RASGRF2: variants seen among roughly 807,000 people sequenced by gnomAD.
RASGRF2 encodes ras-specific guanine nucleotide-releasing factor 2.
A neutral mutation model predicts 151.0 loss-of-function variants in RASGRF2; 76 were observed. The ratio of observed to expected loss-of-function variants is 0.50; its 90% confidence interval spans 0.42 to 0.61. The LOEUF (loss-of-function observed/expected upper bound fraction) is 0.61. Among genes scored for constraint, RASGRF2 ranks in the 20% least tolerant of loss-of-function variants. The pLI is 0.00. For missense variants in RASGRF2, 1,148 were observed against 1,564.6 expected (o/e 0.73, Z 4.49); for synonymous variants, 504 against 566.5 (o/e 0.89, Z 1.57).
intron 17 of RASGRF2, among the ~76,000 whole-genome samples, chr5:81,146,430 G>A (rs1341835685): frequency 7.0e-6 from 1 of 141,920 alleles, no homozygotes; most frequent in Non-Finnish European, 1.6e-5. Flanking sequence ...CCCAGTTTGA[G>A]GTCCCTTACA....
chr5:80,975,618 C>T (rs147518266), intron 1 of RASGRF2, among the ~76,000 whole-genome samples: 2,000 of 151,990 alleles, frequency 0.013, 58 homozygotes, highest in African/African-American at 0.046. Flanking sequence ...TACATTTGAA[C>T]AAAAGAAAAG....
At chr5:81,186,561 G>C (rs1039591638) in intron 18 of RASGRF2, among the ~76,000 whole-genome samples, 3 of 151,904 alleles carry the variant, frequency 2.0e-5, no homozygotes, top group South Asian at 2.1e-4. Flanking sequence ...TATAAACACA[G>C]ACACACACAC....
intron 13 of RASGRF2, among the ~76,000 whole-genome samples, chr5:81,111,952 G>T (rs1339385967): frequency 6.6e-6 from 1 of 152,124 alleles, no homozygotes; most frequent in African/African-American, 2.4e-5. Context: ...GCACACTTTT[G>T]ATATTTTGCT....
intron 25 of RASGRF2, 66 bp from the exon 26 acceptor site, chr5:81,219,644 G>A: frequency 7.4e-7 from 1 of 1,345,744 alleles, no homozygotes; most frequent in Non-Finnish European, 1.1e-6. Flanking sequence ...AGAATGTGCT[G>A]CAATGCAGGA....
chr5:80,964,207 A>G (rs1351918711), intron 1 of RASGRF2, among the ~76,000 whole-genome samples: 1 of 152,160 alleles, frequency 6.6e-6, no homozygotes, highest in Non-Finnish European at 1.5e-5. Context: ...TGGGATAGCA[A>G]TGGTGATATA....
intron 17 of RASGRF2, among the ~76,000 whole-genome samples, chr5:81,150,567 C>A (rs1171595104): frequency 6.6e-6 from 1 of 152,146 alleles, no homozygotes; most frequent in African/African-American, 2.4e-5. Context: ...AGATGCATCC[C>A]CCCATCATCC....
At chr5:81,110,886 A>C (rs190900084) in intron 13 of RASGRF2, among the ~76,000 whole-genome samples, 122 of 152,324 alleles carry the variant, frequency 8.0e-4, no homozygotes, top group African/African-American at 2.5e-3. Context: ...CAAAAGATGC[A>C]CTTGGGCATT....
chr5:81,123,882 T>C, intron 16 of RASGRF2, 115 bp downstream of exon 16: 2 of 1,326,542 alleles, frequency 1.5e-6, no homozygotes, highest in Non-Finnish European at 2.0e-6. Context: ...TCTCACTTAT[T>C]GAAAATTAAT....
chr5:81,134,996 C>A (rs1753718911), intron 17 of RASGRF2, among the ~76,000 whole-genome samples: 1 of 152,138 alleles, frequency 6.6e-6, no homozygotes, highest in Non-Finnish European at 1.5e-5. Context: ...ACGTACCATA[C>A]AATTAACCTG....
chr5:81,062,016 A>AC (rs570149018), intron 2 of RASGRF2, among the ~76,000 whole-genome samples: 16,375 of 126,222 alleles, frequency 0.13, 2,201 homozygotes, highest in East Asian at 0.34. Context: ...AAAAAAAAAA[A>AC]AAAAAAAACT....
intron 18 of RASGRF2, among the ~76,000 whole-genome samples, chr5:81,195,572 AC>A (rs1393033393): frequency 7.3e-5 from 9 of 122,648 alleles, no homozygotes; most frequent in Middle Eastern, 5.0e-3. Context: ...TTTTTTTGTG[AC>A]CTTTTTTTTT....
chr5:81,191,066 A>G (rs1156233809), intron 18 of RASGRF2, among the ~76,000 whole-genome samples: 1 of 152,228 alleles, frequency 6.6e-6, no homozygotes, highest in East Asian at 1.9e-4. Flanking sequence ...TGCGGCATGC[A>G]ACCCTCAGCA....
intron 19 of RASGRF2, among the ~76,000 whole-genome samples, chr5:81,205,136 G>A (rs887600003): frequency 1.3e-5 from 2 of 152,164 alleles, no homozygotes; most frequent in African/African-American, 4.8e-5. Context: ...TGCCCTTTAA[G>A]ATAAAATGAC....
chr5:81,105,542 G>T (rs1752823526), intron 12 of RASGRF2, among the ~76,000 whole-genome samples: 1 of 152,152 alleles, frequency 6.6e-6, no homozygotes, highest in African/African-American at 2.4e-5. Context: ...TAAGGCTGTT[G>T]TCTCAGTAAC....
intron 1 of RASGRF2, among the ~76,000 whole-genome samples, chr5:80,993,265 G>A (rs953645487): frequency 3.3e-5 from 5 of 152,162 alleles, no homozygotes; most frequent in South Asian, 2.1e-4. Context: ...ACATTCTTCC[G>A]TGAATATTAT....
At chr5:81,049,225 TCC>T (rs1750932994) in intron 2 of RASGRF2, among the ~76,000 whole-genome samples, 1 of 144,646 alleles carries the variant, frequency 6.9e-6, no homozygotes, top group African/African-American at 2.5e-5. Flanking sequence ...TTCCACCCCC[TCC>T]CCCTTTATTC....
intron 22 of RASGRF2, among the ~76,000 whole-genome samples, chr5:81,210,443 A>G (rs781765818): frequency 1.3e-5 from 2 of 152,212 alleles, no homozygotes; most frequent in South Asian, 4.1e-4. Flanking sequence ...TTTACAGACA[A>G]TAGTGGCTTA....
chr5:81,067,780 T>A (rs1359579618), intron 2 of RASGRF2, among the ~76,000 whole-genome samples: 2 of 152,262 alleles, frequency 1.3e-5, no homozygotes, highest in East Asian at 1.9e-4. Context: ...TTCCCACTTC[T>A]ATGGTAAGAT....
At chr5:81,212,622 A>T in intron 23 of RASGRF2, 59 bp downstream of exon 23, 2 of 1,432,162 alleles carry the variant, frequency 1.4e-6, no homozygotes, top group African/African-American at 2.9e-5. Flanking sequence ...GGGAGATGGG[A>T]GCCAAGTTAA....
Sources: gnomAD v4.1 joint callset for allele counts (sites outside exome capture counted in the v4.1 genomes callset) on GRCh38, gnomAD v4.1.1 for gene constraint, MANE v1.5 for transcripts, NCBI Gene and HGNC (gene_info 2026-07-23, HGNC 2026-07-21) for gene names.